RASGRF2: variants seen among roughly 807,000 people sequenced by gnomAD.
The protein encoded by RASGRF2 is Ras protein specific guanine nucleotide releasing factor 2, also known as ras-specific guanine nucleotide-releasing factor 2.
A neutral mutation model predicts 151.0 loss-of-function variants in RASGRF2; 76 were observed. That is an observed-to-expected ratio of 0.50 (90% CI 0.42 to 0.61). RASGRF2 has a LOEUF of 0.61. Ranked by LOEUF, RASGRF2 falls within the 20% of genes least tolerant of loss-of-function variation. The pLI is 0.00. For missense variants in RASGRF2, 1,148 were observed against 1,564.6 expected, an observed-to-expected ratio of 0.73 and a Z score of 4.49; for synonymous variants, 504 against 566.5, an observed-to-expected ratio of 0.89 and a Z score of 1.57.
intron 1 of RASGRF2, among the ~76,000 whole-genome samples, chr5:80,996,302 T>A (rs1251027150): frequency 1.3e-5 from 2 of 152,046 alleles, no homozygotes; most frequent in Admixed American, 1.3e-4. Context: ...TAAGTTATTT[T>A]GCTATTCTCT....
At chr5:80,966,442 G>A (rs1747727230) in intron 1 of RASGRF2, among the ~76,000 whole-genome samples, 1 of 152,186 alleles carries the variant, frequency 6.6e-6, no homozygotes, top group South Asian at 2.1e-4. Context: ...ATAGCACTGT[G>A]ATAAATGTTT....
At chr5:81,223,085 A>T (rs2112754148) in intron 26 of RASGRF2, among the ~76,000 whole-genome samples, 1 of 152,366 alleles carries the variant, frequency 6.6e-6, no homozygotes, top group South Asian at 2.1e-4. Flanking sequence ...GTACTGAAGT[A>T]CGTAAGGAGA....
chr5:81,053,105 C>A (rs1751067404), intron 2 of RASGRF2, among the ~76,000 whole-genome samples: 1 of 151,804 alleles, frequency 6.6e-6, no homozygotes, highest in African/African-American at 2.4e-5. Flanking sequence ...AAATAAAGCC[C>A]ACAATGGATA....
chr5:81,107,605 G>T (rs75511200), intron 12 of RASGRF2, among the ~76,000 whole-genome samples: 2 of 152,276 alleles, frequency 1.3e-5, no homozygotes, highest in African/African-American at 4.8e-5. Flanking sequence ...TATGTGTGGT[G>T]GTTCCATTTC....
rs1447744204 is a variant in RASGRF2 at position 81,054,274 on chromosome 5, C to T, written c.395+11291C>T. Reference sequence around the variant, plus strand: ...ATGGTTTTAGGTCTAACATGTAAGTCTTTAATCCATCTTGAATTAATTTTT... The same window carrying T: ...ATGGTTTTAGGTCTAACATGTAAGTTTTTAATCCATCTTGAATTAATTTTT... On this transcript the variant is annotated intron_variant, in intron 2 of 26. Transcript: ENST00000265080. Among the ~76,000 whole-genome samples the T allele has an allele frequency of 3.9e-5, 6 of 152,260 alleles. No individual in the cohort carries two copies. In the South Asian group the frequency reaches 1.2e-3, roughly 32 times the overall value.
intron 17 of RASGRF2, among the ~76,000 whole-genome samples, chr5:81,140,594 A>G (rs1050874545): frequency 4.6e-5 from 7 of 152,148 alleles, no homozygotes; most frequent in Admixed American, 2.0e-4. Flanking sequence ...TCTTCCTGGA[A>G]ACATGCCACG....
At chr5:81,113,039 G>A (rs1277390810) in intron 14 of RASGRF2, among the ~76,000 whole-genome samples, 181 bp downstream of exon 14, 1 of 152,178 alleles carries the variant, frequency 6.6e-6, no homozygotes, top group Non-Finnish European at 1.5e-5. Context: ...AGTTCCCCAG[G>A]CACGAAGTTG....
intron 1 of RASGRF2, among the ~76,000 whole-genome samples, chr5:81,008,071 C>T (rs149991968): frequency 0.015 from 2,263 of 150,614 alleles, 54 homozygotes; most frequent in African/African-American, 0.053. Flanking sequence ...AACCAGCTAT[C>T]TCAAATGTGT....
At chr5:81,107,210 A>G (rs1752870170) in intron 12 of RASGRF2, among the ~76,000 whole-genome samples, 2 of 151,748 alleles carry the variant, frequency 1.3e-5, no homozygotes, top group South Asian at 4.2e-4. Context: ...AAAAAAAAAA[A>G]AAAAATCTCA....
At chr5:81,100,187 G>A (rs1003323309) in intron 12 of RASGRF2, among the ~76,000 whole-genome samples, 7 of 152,058 alleles carry the variant, frequency 4.6e-5, no homozygotes, top group African/African-American at 7.2e-5. Context: ...GATTACAGGC[G>A]TGAGCCACCG....
intron 12 of RASGRF2, among the ~76,000 whole-genome samples, chr5:81,106,333 A>T (rs1180963851): frequency 1.3e-5 from 2 of 151,934 alleles, no homozygotes; most frequent in Non-Finnish European, 2.9e-5. Context: ...GGTATGAATC[A>T]TTTCATTTAC....
chr5:81,214,117 C>T (rs6893150), intron 23 of RASGRF2, among the ~76,000 whole-genome samples: 30,841 of 152,066 alleles, frequency 0.2, 3,218 homozygotes, highest in Middle Eastern at 0.31. Context: ...AGGCCCACTC[C>T]GTAGTTAAGT....
intron 17 of RASGRF2, among the ~76,000 whole-genome samples, chr5:81,168,278 T>C (rs10474653): frequency 0.89 from 129,442 of 146,146 alleles, 57,431 homozygotes; most frequent in Admixed American, 0.93. Flanking sequence ...CAATCATTCC[T>C]ATAGCATGCC....
intron 1 of RASGRF2, among the ~76,000 whole-genome samples, chr5:81,017,739 A>G (rs892489899): frequency 1.6e-4 from 24 of 152,342 alleles, no homozygotes; most frequent in African/African-American, 5.3e-4. Flanking sequence ...GGTAAACACC[A>G]GTCACTGAGC....
At chr5:81,059,837 CCACCAAAAAACAAAAAACAAAAAA>C (rs1561584226) in intron 2 of RASGRF2, among the ~76,000 whole-genome samples, 1 of 140,332 alleles carries the variant, frequency 7.1e-6, no homozygotes, top group Non-Finnish European at 1.6e-5. Context: ...GAGGGAGACT[CCACCAAAAAACAAAAAACAAAAAA>C]CAAAAAAAAC....
At chr5:81,214,468 G>T (rs1364082525) in intron 23 of RASGRF2, among the ~76,000 whole-genome samples, 2 of 152,216 alleles carry the variant, frequency 1.3e-5, no homozygotes, top group Non-Finnish European at 2.9e-5. Flanking sequence ...ATCAGCCGGG[G>T]AGTTGTTCAG....
At chr5:81,150,649 CAT>C (rs1754113009) in intron 17 of RASGRF2, among the ~76,000 whole-genome samples, 1 of 152,118 alleles carries the variant, frequency 6.6e-6, no homozygotes, top group African/African-American at 2.4e-5. Context: ...CACACACACA[CAT>C]ACACACACAC....
At chr5:81,089,991 T>C (rs1401349370) in intron 9 of RASGRF2, among the ~76,000 whole-genome samples, 2 of 152,226 alleles carry the variant, frequency 1.3e-5, no homozygotes, top group Non-Finnish European at 2.9e-5. Flanking sequence ...AAATCTATTA[T>C]GCATTGTGAA....
chr5:81,058,130 C>A (rs2112430314), intron 2 of RASGRF2, among the ~76,000 whole-genome samples: 1 of 152,042 alleles, frequency 6.6e-6, no homozygotes, highest in South Asian at 2.1e-4. Flanking sequence ...CTAATGTTGA[C>A]ATCTGTTTGT....
Sources: allele counts gnomAD v4.1 joint callset (sites outside exome capture counted in the v4.1 genomes callset), GRCh38; gene constraint gnomAD v4.1.1; transcripts MANE v1.5; gene names NCBI Gene and HGNC (gene_info 2026-07-23, HGNC 2026-07-21).